Variants in PTK2 observed in about 807,000 individuals in gnomAD.
PTK2 encodes focal adhesion kinase 1.
PTK2 carries 45 observed loss-of-function variants against 150.1 expected under a neutral mutation model. The ratio of observed to expected loss-of-function variants is 0.30; its 90% CI spans 0.24 to 0.38. The LOEUF (loss-of-function observed/expected upper bound fraction) is 0.38, where lower values mean the gene tolerates loss of function less well. Among genes scored for constraint, PTK2 ranks in the 10% least tolerant of loss-of-function variants. The pLI is 1.00. For synonymous variants in PTK2, 432 were observed against 449.2 expected (o/e 0.96, Z 0.48); for missense variants, 919 against 1,307.3 (o/e 0.70, Z 4.58).
chr8:140,920,749 T>C (rs779302753), intron 2 of PTK2: 182 of 1,298,710 alleles, frequency 1.4e-4, no homozygotes, highest in Non-Finnish European at 1.8e-4. Flanking sequence ...AAAACATTTA[T>C]CTACCTTTTC....
chr8:141,000,577 G>T lies in PTK2; in HGVS notation c.-122+548C>A, dbSNP rs569054079. Among the ~76,000 whole-genome samples, 25 of 151,216 alleles carry T rather than the reference G, an allele frequency of 1.7e-4. No homozygotes were observed. In the South Asian group the frequency reaches 5.2e-3, roughly 32 times the overall value. On this transcript the variant is annotated intron_variant, in intron 1 of 31. Transcript: ENST00000522684. ...CGGCGGAGGCCGGCCCGTCCTCCCC[G>T]CGCCTCTGTCCGCCCTGCGCGCCCC...
intron 27 of PTK2, among the ~76,000 whole-genome samples, chr8:140,681,983 A>C (rs977951919): frequency 6.6e-6 from 1 of 152,222 alleles, no homozygotes; most frequent in Non-Finnish European, 1.5e-5. Context: ...ACTAGGCATA[A>C]ATAGGTTAAA....
chr8:140,693,787 A>G (rs946912541), intron 26 of PTK2, among the ~76,000 whole-genome samples: 1 of 152,078 alleles, frequency 6.6e-6, no homozygotes, highest in Non-Finnish European at 1.5e-5. Flanking sequence ...AGTAGCAACC[A>G]TAAAAAATGA....
At chr8:140,765,487 A>G (rs1326648285) in intron 14 of PTK2, among the ~76,000 whole-genome samples, 1 of 152,222 alleles carries the variant, frequency 6.6e-6, no homozygotes, top group Non-Finnish European at 1.5e-5. Context: ...AGTAAAAAAA[A>G]AAGTTGGGGA....
chr8:140,839,580 A>G (rs1016199727), intron 7 of PTK2, among the ~76,000 whole-genome samples: 5 of 152,248 alleles, frequency 3.3e-5, no homozygotes, highest in East Asian at 1.9e-4. Context: ...ATGAAAAAAT[A>G]TAAGTGGTAG....
intron 8 of PTK2, among the ~76,000 whole-genome samples, chr8:140,830,101 ACACACACAC>A (rs936894003): frequency 6.6e-6 from 1 of 152,082 alleles, no homozygotes; most frequent in Non-Finnish European, 1.5e-5. Flanking sequence ...ACACACACAC[ACACACACAC>A]AATATTAATG....
At chr8:140,856,245 T>C (rs2100132514) in intron 5 of PTK2, among the ~76,000 whole-genome samples, 1 of 152,080 alleles carries the variant, frequency 6.6e-6, no homozygotes, top group South Asian at 2.1e-4. Context: ...GGAGGAAATA[T>C]AAAATCACAC....
chr8:140,744,536 A>T, intron 19 of PTK2, 116 bp downstream of exon 22: 1 of 525,214 alleles, frequency 1.9e-6, no homozygotes, highest in Non-Finnish European at 3.4e-6. Flanking sequence ...TTGGTACAAA[A>T]CTGTACCAAA....
At chr8:140,837,189 C>A (rs1321121085) in intron 7 of PTK2, among the ~76,000 whole-genome samples, 3 of 152,142 alleles carry the variant, frequency 2.0e-5, no homozygotes, top group African/African-American at 7.2e-5. Flanking sequence ...TCCAGTTGTT[C>A]CCTGTTGTGT....
At chr8:140,917,247 C>T (rs1344822846) in intron 2 of PTK2, among the ~76,000 whole-genome samples, 1 of 151,958 alleles carries the variant, frequency 6.6e-6, no homozygotes, top group African/African-American at 2.4e-5. Context: ...AACAATTAGC[C>T]AGGCTTGGTG....
chr8:140,903,572 G>C (rs758481848), intron 2 of PTK2, among the ~76,000 whole-genome samples: 2 of 152,052 alleles, frequency 1.3e-5, no homozygotes, highest in South Asian at 2.1e-4. Flanking sequence ...GGACAGCATC[G>C]AATCTATAAA....
rs551329231 is a variant in PTK2, at chr8:140,746,298, T to A, written c.1518+462A>T. ...GTGAGCTGTGGTTATGCTACTACACTCCAGCCTGGGCAACAGAGGGAGACT... is the reference window on the plus strand; with the variant it reads ...GTGAGCTGTGGTTATGCTACTACACACCAGCCTGGGCAACAGAGGGAGACT... On this transcript the variant is annotated intron_variant, in intron 18 of 31. Coordinates refer to ENST00000522684, the Ensembl canonical transcript of PTK2. Among the ~76,000 whole-genome samples, 10 of 152,208 alleles carry A rather than the reference T, an allele frequency of 6.6e-5. No individual in the cohort carries two copies. The South Asian group carries it at 1.7e-3, about 25-fold the overall frequency.
At chr8:140,790,984 G>A (rs934602402) in intron 13 of PTK2, among the ~76,000 whole-genome samples, 6 of 152,168 alleles carry the variant, frequency 3.9e-5, no homozygotes, top group East Asian at 1.9e-4. Flanking sequence ...ACTTTCTCAC[G>A]ATAGCTTGGA....
intron 2 of PTK2, among the ~76,000 whole-genome samples, chr8:140,904,213 G>A (rs970022642): frequency 6.6e-6 from 1 of 152,060 alleles, no homozygotes; most frequent in Non-Finnish European, 1.5e-5. Flanking sequence ...AACATGAAGG[G>A]GTGTTGAATT....
chr8:140,693,581 A>T (rs971965775), intron 26 of PTK2, among the ~76,000 whole-genome samples: 13 of 135,750 alleles, frequency 9.6e-5, no homozygotes, highest in African/African-American at 1.9e-4. Flanking sequence ...AAAAAAAAAA[A>T]AAAAAAAAAA....
chr8:140,803,476 A>G lies in PTK2; in HGVS notation c.975+67T>C, dbSNP rs1003620925. ...AAAAACTTCATCCTTTTCATAAAAAAGTCAACAATTCTAAAACATCCCTAT... is the reference window on the plus strand; with the variant it reads ...AAAAACTTCATCCTTTTCATAAAAAGGTCAACAATTCTAAAACATCCCTAT... On this transcript the variant is annotated intron_variant, in intron 11 of 31. Coordinates refer to ENST00000522684, the Ensembl canonical transcript of PTK2. 6 of 1,311,074 alleles carry G rather than the reference A, an allele frequency of 4.6e-6. No homozygotes were observed. The East Asian group carries it at 9.2e-5, about 20-fold the overall frequency. 81.2% of individuals were successfully genotyped at this position (1,311,074 alleles called of 1,614,324 possible).
intron 1 of PTK2, among the ~76,000 whole-genome samples, chr8:140,937,189 A>AT (rs1205493360): frequency 1.3e-5 from 2 of 152,186 alleles, no homozygotes; most frequent in Non-Finnish European, 2.9e-5. Context: ...AAGAACATCC[A>AT]TTTTTTAAAA....
At chr8:140,802,826 T>C (rs1596229927) in intron 11 of PTK2, among the ~76,000 whole-genome samples, 1 of 152,138 alleles carries the variant, frequency 6.6e-6, no homozygotes, top group East Asian at 1.9e-4. Context: ...GGCTATATTG[T>C]ATAGCCTAGG....
intron 1 of PTK2, among the ~76,000 whole-genome samples, chr8:140,990,065 T>C (rs908357992): frequency 2.0e-5 from 3 of 151,822 alleles, no homozygotes; most frequent in East Asian, 3.9e-4. Flanking sequence ...CCAGAGAAAA[T>C]GGTCAATGAT....
Sources: gnomAD v4.1 joint callset for allele counts (sites outside exome capture counted in the v4.1 genomes callset) on GRCh38, gnomAD v4.1.1 for gene constraint, MANE v1.5 for transcripts, NCBI Gene and HGNC (gene_info 2026-07-23, HGNC 2026-07-21) for gene names.